Variants in CSMD1 observed in about 807,000 individuals in gnomAD.
CSMD1 encodes CUB and sushi domain-containing protein 1.
Under a neutral mutation model 417.5 loss-of-function variants are expected in CSMD1, and 213 were observed. The ratio of observed to expected loss-of-function variants is 0.51; its 90% CI spans 0.46 to 0.57. The LOEUF is 0.57. Ranked by LOEUF, CSMD1 falls within the 20% of genes least tolerant of loss-of-function variation. The pLI is 0.00. For missense variants in CSMD1, 6,923 were observed against 4,529.7 expected (o/e 1.53, Z -15.17); for synonymous variants, 2,862 against 1,736.8 (o/e 1.65, Z -16.11).
At chr8:3,286,749 A>C (rs1412077312) in intron 25 of CSMD1, among the ~76,000 whole-genome samples, 1 of 152,086 alleles carries the variant, frequency 6.6e-6, no homozygotes, top group Non-Finnish European at 1.5e-5. Flanking sequence ...GTAGATTGCA[A>C]AAATTTTCTC....
chr8:2,975,164 C>A (rs947151953), intron 55 of CSMD1, among the ~76,000 whole-genome samples: 1 of 152,078 alleles, frequency 6.6e-6, no homozygotes, highest in East Asian at 1.9e-4. Flanking sequence ...TAATAATAAT[C>A]AATTATTGAT....
intron 7 of CSMD1, among the ~76,000 whole-genome samples, chr8:3,648,535 ACTTTTT>A (rs1179097749): frequency 1.3e-5 from 2 of 152,132 alleles, no homozygotes; most frequent in Non-Finnish European, 2.9e-5. Context: ...TGTACGATTT[ACTTTTT>A]CTTTGATTTC....
chr8:2,961,247 A>C, intron 61 of CSMD1, 33 bp from the exon 62 acceptor site: 1 of 1,372,082 alleles, frequency 7.3e-7, no homozygotes, highest in Non-Finnish European at 1.0e-6. Context: ...AAAAGAGGGC[A>C]CCAGATATAG....
chr8:3,159,896 G>C (rs566800797), intron 38 of CSMD1, among the ~76,000 whole-genome samples: 1 of 152,002 alleles, frequency 6.6e-6, no homozygotes, highest in African/African-American at 2.4e-5. Flanking sequence ...ATAAAAGAAC[G>C]GCAACAGAAT....
Position 4,878,950 on chromosome 8 carries a change from C to A in CSMD1, c.85+115382G>T, listed in dbSNP as rs372282705. 2.4e-4 allele frequency among the ~76,000 whole-genome samples: 36 copies of A among 151,472 alleles called. 1 individual carries two copies. Among genetic ancestry groups the A allele is most frequent in the African/African-American group, 7.8e-4 (32 of 41,180 alleles). On this transcript the variant is annotated intron_variant, in intron 1 of 69. Coordinates refer to ENST00000635120, the MANE Select transcript of CSMD1 (RefSeq NM_033225.6). Reference sequence around the variant, plus strand: ...AGGACGACAAGGTGAAGAGGACCTGCCAAGGCACAGTGAGAAGCAGGGAGA... The same window carrying A: ...AGGACGACAAGGTGAAGAGGACCTGACAAGGCACAGTGAGAAGCAGGGAGA...
chr8:4,470,182 C>G (rs1186219810), intron 2 of CSMD1, among the ~76,000 whole-genome samples: 1 of 152,098 alleles, frequency 6.6e-6, no homozygotes, highest in Non-Finnish European at 1.5e-5. Context: ...ATCTATTCCT[C>G]TCCATTGTGA....
chr8:4,476,990 G>T (rs934889844), intron 2 of CSMD1, among the ~76,000 whole-genome samples: 1 of 152,230 alleles, frequency 6.6e-6, no homozygotes, highest in African/African-American at 2.4e-5. Context: ...ATTGCTGGCT[G>T]CCTAGGATGG....
chr8:4,115,726 T>G (rs1220947769), intron 3 of CSMD1, among the ~76,000 whole-genome samples: 1 of 152,092 alleles, frequency 6.6e-6, no homozygotes, highest in East Asian at 1.9e-4. Context: ...TGGGACATCC[T>G]GACAATGGAC....
intron 5 of CSMD1, among the ~76,000 whole-genome samples, chr8:3,982,236 A>C (rs2130192821): frequency 6.6e-6 from 1 of 150,564 alleles, no homozygotes; most frequent in Admixed American, 6.6e-5. Flanking sequence ...AATTAACTAC[A>C]ATCTGAGCTA....
chr8:4,761,734 G>T (rs903890800), intron 1 of CSMD1, among the ~76,000 whole-genome samples: 2 of 151,980 alleles, frequency 1.3e-5, no homozygotes, highest in African/African-American at 4.8e-5. Flanking sequence ...ATGAATTAGG[G>T]CAGAATTATA....
At chr8:4,332,447 A>G (rs915987285) in intron 3 of CSMD1, among the ~76,000 whole-genome samples, 5 of 151,984 alleles carry the variant, frequency 3.3e-5, no homozygotes, top group African/African-American at 1.2e-4. Flanking sequence ...TGAGTAGGTA[A>G]AAACAGTGTG....
intron 12 of CSMD1, among the ~76,000 whole-genome samples, chr8:3,428,236 C>T (rs1237671175): frequency 6.6e-6 from 1 of 151,770 alleles, no homozygotes; most frequent in Non-Finnish European, 1.5e-5. Context: ...GTTAAACACT[C>T]GAGGAAGGGG....
chr8:3,787,298 A>T (rs556383665), intron 5 of CSMD1, among the ~76,000 whole-genome samples: 2 of 152,326 alleles, frequency 1.3e-5, no homozygotes, highest in Non-Finnish European at 2.9e-5. Context: ...TAGAAAATTG[A>T]TTTCATGGAT....
chr8:4,377,401 C>A (rs576400020), intron 3 of CSMD1, among the ~76,000 whole-genome samples: 4 of 152,260 alleles, frequency 2.6e-5, no homozygotes, highest in Admixed American at 6.5e-5. Flanking sequence ...ATCTAAACTA[C>A]TTAAATCTAT....
chr8:3,938,507 G>A (rs367550772), intron 5 of CSMD1, among the ~76,000 whole-genome samples: 2 of 152,216 alleles, frequency 1.3e-5, no homozygotes, highest in East Asian at 1.9e-4. Context: ...AGGTTTCCTC[G>A]GCAACAATGG....
intron 2 of CSMD1, among the ~76,000 whole-genome samples, chr8:4,621,549 AT>A (rs1215419028): frequency 6.6e-6 from 1 of 152,120 alleles, no homozygotes; most frequent in Non-Finnish European, 1.5e-5. Context: ...TATACATTGA[AT>A]TTTTTATTTA....
At chr8:3,390,567 G>A (rs755435763) in intron 17 of CSMD1, among the ~76,000 whole-genome samples, 2 of 151,738 alleles carry the variant, frequency 1.3e-5, no homozygotes, top group Non-Finnish European at 2.9e-5. Context: ...TTGTTGAAAC[G>A]ACGTGTATAT....
chr8:3,802,038 A>G (rs1220584247), intron 5 of CSMD1, among the ~76,000 whole-genome samples: 1 of 152,172 alleles, frequency 6.6e-6, no homozygotes. Context: ...GTAAGCATAC[A>G]AAAATTCATG....
rs767809066 is a variant in CSMD1 at position 3,407,960 on chromosome 8, A to G, written c.2010T>C (p.Val670=). The change falls in exon 14 of 70, where the codon GTT becomes GTC. Residue 670 remains valine (V), a synonymous_variant. Transcript: ENST00000635120. ...PSQLASSGHI[V]RLEFQSDHST... is the part of the protein sequence containing the mutation. ...AATGGTCAGACTGAAATTCCAAGCG[A>G]ACTATATGCCCACTGCTGGCCAGCT... 4 of 1,613,698 alleles carry G rather than the reference A, an allele frequency of 2.5e-6. No homozygotes were observed. The highest frequency in any genetic ancestry group is 3.4e-6 in the Non-Finnish European group (4 of 1,179,760).
Sources: gnomAD v4.1 joint callset for allele counts (sites outside exome capture counted in the v4.1 genomes callset) on GRCh38, gnomAD v4.1.1 for gene constraint, MANE v1.5 for transcripts, NCBI Gene and HGNC (gene_info 2026-07-23, HGNC 2026-07-21) for gene names.